Variants in LRRTM4 observed in about 807,000 individuals in gnomAD.
The protein encoded by LRRTM4 is leucine rich repeat transmembrane neuronal 4.
Under a neutral mutation model 47.6 loss-of-function variants are expected in LRRTM4, and 25 were observed. That is an observed-to-expected ratio of 0.53 (90% confidence interval 0.38 to 0.73). LRRTM4 has a LOEUF of 0.73. Among genes scored for constraint, LRRTM4 ranks in the 30% least tolerant of loss-of-function variants. The pLI, the probability that LRRTM4 is intolerant of heterozygous loss-of-function variation, is 0.00. For synonymous variants in LRRTM4, 311 were observed against 269.5 expected, an observed-to-expected ratio of 1.15 and a Z score of -1.51; for missense variants, 638 against 713.4, an observed-to-expected ratio of 0.89 and a Z score of 1.20.
At chr2:76,796,258 A>C (rs564820175) in intron 3 of LRRTM4, among the ~76,000 whole-genome samples, 30,550 of 125,722 alleles carry the variant, frequency 0.24, 5,834 homozygotes, top group East Asian at 0.49. Context: ...CCGCCATTGA[A>C]CAGGCTTGAT....
Position 76,748,859 on chromosome 2 carries a change from A to G in LRRTM4, c.1609T>C (p.Tyr537His). Residue 537 changes from tyrosine to histidine, a missense_variant, in exon 4 of 4, where the codon TAC (tyrosine) becomes CAC (histidine). Coordinates refer to ENST00000409884, the MANE Select transcript of LRRTM4 (RefSeq NM_001134745.3). ...TGGAGTGGCTGGTGGGCCTGGCAGT[A>G]CCCGATCACAGGCTGGTCATAGCTG... ...YYSYDQPVIG[Y>H]CQAHQPLHVT... The G allele has an allele frequency of 1.2e-6, 2 of 1,613,956 alleles. No individual in the cohort carries two copies. Among genetic ancestry groups the G allele is most frequent in the African/African-American group, 2.7e-5 (2 of 75,028 alleles).
At chr2:76,883,905 A>C (rs2104116997) in intron 3 of LRRTM4, among the ~76,000 whole-genome samples, 1 of 152,194 alleles carries the variant, frequency 6.6e-6, no homozygotes, top group South Asian at 2.1e-4. Flanking sequence ...TGTAGTCTCA[A>C]ACTCATGGGT....
chr2:76,911,465 C>A (rs10190210), intron 3 of LRRTM4, among the ~76,000 whole-genome samples: 7 of 152,074 alleles, frequency 4.6e-5, no homozygotes, highest in African/African-American at 1.7e-4. Context: ...TTTGTATTCC[C>A]ATCAAGAATT....
chr2:77,288,196 A>T (rs1244381487), intron 3 of LRRTM4, among the ~76,000 whole-genome samples: 1 of 151,938 alleles, frequency 6.6e-6, no homozygotes, highest in Non-Finnish European at 1.5e-5. Context: ...GCAGAGTGTC[A>T]AGTAGAAAAA....
chr2:76,902,950 T>C (rs1254875440), intron 3 of LRRTM4, among the ~76,000 whole-genome samples: 2 of 152,240 alleles, frequency 1.3e-5, no homozygotes, highest in Admixed American at 6.5e-5. Flanking sequence ...ACTTTTTATA[T>C]AATAAACTAA....
chr2:77,138,039 C>T (rs533833285), intron 3 of LRRTM4, among the ~76,000 whole-genome samples: 1 of 152,218 alleles, frequency 6.6e-6, no homozygotes, highest in African/African-American at 2.4e-5. Flanking sequence ...GACTTTAACA[C>T]CCTACTGTCA....
At chr2:77,438,857 A>G (rs373279181) in intron 3 of LRRTM4, among the ~76,000 whole-genome samples, 15 of 152,326 alleles carry the variant, frequency 9.8e-5, no homozygotes, top group Middle Eastern at 3.4e-3. Context: ...ATTTTGCCAG[A>G]TAATACCCAC....
intron 3 of LRRTM4, among the ~76,000 whole-genome samples, chr2:77,241,787 G>A (rs536934164): frequency 2.3e-4 from 35 of 152,070 alleles, no homozygotes; most frequent in African/African-American, 8.2e-4. Context: ...TCTAAGACTT[G>A]TATAGTTTTA....
intron 3 of LRRTM4, among the ~76,000 whole-genome samples, chr2:77,281,767 A>T (rs1189775372): frequency 6.6e-6 from 1 of 151,914 alleles, no homozygotes; most frequent in Non-Finnish European, 1.5e-5. Flanking sequence ...AGGTAAATAT[A>T]TTAAGGAAAA....
chr2:77,257,630 G>T (rs773710037), intron 3 of LRRTM4, among the ~76,000 whole-genome samples: 3 of 151,474 alleles, frequency 2.0e-5, no homozygotes, highest in Non-Finnish European at 4.4e-5. Flanking sequence ...GACAAGAGCA[G>T]GAAAAGATAA....
intron 3 of LRRTM4, among the ~76,000 whole-genome samples, chr2:77,094,981 G>A (rs1670767545): frequency 6.6e-6 from 1 of 152,158 alleles, no homozygotes; most frequent in Admixed American, 6.6e-5. Context: ...TTAACAGGGT[G>A]AAGAGACAAC....
At chr2:76,927,115 T>C (rs1022388322) in intron 3 of LRRTM4, among the ~76,000 whole-genome samples, 2 of 152,156 alleles carry the variant, frequency 1.3e-5, no homozygotes, top group African/African-American at 4.8e-5. Context: ...CTTATGTTCA[T>C]GCATTTGGTG....
intron 3 of LRRTM4, among the ~76,000 whole-genome samples, chr2:77,183,287 T>C (rs888558604): frequency 6.6e-6 from 1 of 152,094 alleles, no homozygotes; most frequent in Non-Finnish European, 1.5e-5. Flanking sequence ...AACAGACACT[T>C]CACAAAATAA....
chr2:77,289,960 T>C (rs1263497148), intron 3 of LRRTM4, among the ~76,000 whole-genome samples: 3 of 152,130 alleles, frequency 2.0e-5, no homozygotes, highest in East Asian at 3.9e-4. Flanking sequence ...GGAGGAATTA[T>C]TGTGTGATTG....
intron 3 of LRRTM4, among the ~76,000 whole-genome samples, chr2:77,147,523 T>C (rs1672292137): frequency 6.6e-6 from 1 of 152,204 alleles, no homozygotes; most frequent in South Asian, 2.1e-4. Flanking sequence ...CAAGACACCC[T>C]TAACTTGGGT....
chr2:77,291,544 G>T (rs1456077911), intron 3 of LRRTM4, among the ~76,000 whole-genome samples: 2 of 151,996 alleles, frequency 1.3e-5, no homozygotes, highest in Non-Finnish European at 2.9e-5. Context: ...AAGCTTGAAG[G>T]TAATATAACA....
chr2:77,064,704 T>C (rs1679897945), intron 3 of LRRTM4, among the ~76,000 whole-genome samples: 1 of 152,216 alleles, frequency 6.6e-6, no homozygotes, highest in South Asian at 2.1e-4. Context: ...TAGATTTGCT[T>C]GATGCTTTTA....
intron 3 of LRRTM4, among the ~76,000 whole-genome samples, chr2:76,846,633 A>G (rs1325711653): frequency 3.3e-5 from 5 of 152,128 alleles, no homozygotes; most frequent in Admixed American, 3.3e-4. Flanking sequence ...ATATATATGG[A>G]TAGTTGAATA....
chr2:77,092,993 G>A lies in LRRTM4; in HGVS notation c.1552-344077C>T, dbSNP rs1167419749. On this transcript the variant is annotated intron_variant, in intron 3 of 3. Coordinates refer to ENST00000409884, the MANE Select transcript of LRRTM4 (RefSeq NM_001134745.3). ...CAGAATTCAGGCCTGTCCTCAGAAT[G>A]CTACAGGGTACAGCCCATTTAAGCT... Among the ~76,000 whole-genome samples the A allele has an allele frequency of 6.8e-5, 10 of 146,718 alleles. 2 individuals are homozygous for A. The highest frequency in any genetic ancestry group is 2.7e-4 in the African/African-American group (10 of 36,662).
Sources: gnomAD v4.1 joint callset for allele counts (sites outside exome capture counted in the v4.1 genomes callset) on GRCh38, gnomAD v4.1.1 for gene constraint, MANE v1.5 for transcripts, NCBI Gene and HGNC (gene_info 2026-07-23, HGNC 2026-07-21) for gene names.